Variants in IGSF10 observed in about 807,000 individuals in gnomAD.
IGSF10 encodes calvaria mechanical force protein 608.
In IGSF10, 126 loss-of-function variants were observed where a neutral mutation model predicts 128.2. The ratio of observed to expected loss-of-function variants is 0.98; its 90% CI spans 0.85 to 1.14. IGSF10 has a LOEUF of 1.14. Ranked by LOEUF, IGSF10 falls within the 50% of genes most tolerant of loss-of-function variation. The pLI, the probability that IGSF10 is intolerant of heterozygous loss-of-function variation, is 0.00. For missense variants in IGSF10, 3,295 were observed against 3,149.8 expected, an observed-to-expected ratio of 1.05 and a Z score of -1.10; for synonymous variants, 1,185 against 1,146.2, an observed-to-expected ratio of 1.03 and a Z score of -0.68.
At chr3:151,507,780 T>C in the IGSF10 span, among the ~76,000 whole-genome samples, 2 of 152,180 alleles carry the variant, frequency 1.3e-5, no homozygotes, top group African/African-American at 2.4e-5. Context: ...GGAACTAAAA[T>C]TCAAGATGAG....
At chr3:151,504,761 T>C in the IGSF10 span, among the ~76,000 whole-genome samples, 1 of 152,246 alleles carries the variant, frequency 6.6e-6, no homozygotes, top group East Asian at 1.9e-4. Context: ...CCACCAAGTT[T>C]TAGCCAAACG....
chr3:151,534,185 A>G, the IGSF10 span, among the ~76,000 whole-genome samples: 9 of 152,224 alleles, frequency 5.9e-5, no homozygotes, highest in African/African-American at 1.9e-4. Flanking sequence ...GAGAAATAGA[A>G]ACACTTTTAC....
chr3:151,434,841 CAGAGGTGAGTT>C (rs1291631551), downstream of IGSF10: 1 of 152,162 alleles, frequency 6.6e-6, no homozygotes, highest in African/African-American at 2.4e-5. Flanking sequence ...TTATACTTTG[CAGAGGTGAGTT>C]AAATTATTAA....
chr3:151,462,919 G>A (rs1412745447), upstream of IGSF10, among the ~76,000 whole-genome samples: 1 of 152,132 alleles, frequency 6.6e-6, no homozygotes, highest in Non-Finnish European at 1.5e-5. Context: ...TCGGGTTTTG[G>A]CAGCCACAGT....
At chr3:151,553,983 A>C in the IGSF10 span, among the ~76,000 whole-genome samples, 12 of 151,324 alleles carry the variant, frequency 7.9e-5, no homozygotes, top group African/African-American at 2.7e-4. Context: ...CAAAAAAAAA[A>C]CAAAAGAAAA....
the IGSF10 span, among the ~76,000 whole-genome samples, chr3:151,604,404 T>A: frequency 6.6e-6 from 1 of 152,090 alleles, no homozygotes; most frequent in African/African-American, 2.4e-5. Context: ...TTTACATATG[T>A]AAATCAACTA....
At chr3:151,545,136 T>C in the IGSF10 span, among the ~76,000 whole-genome samples, 2 of 152,242 alleles carry the variant, frequency 1.3e-5, no homozygotes, top group Non-Finnish European at 2.9e-5. Context: ...GTTACATAAT[T>C]TTGAAAGTTT....
At chr3:151,438,714 G>T in intron 7 of IGSF10, 117 bp from the exon 8 acceptor site, 2 of 691,960 alleles carry the variant, frequency 2.9e-6, no homozygotes, top group Non-Finnish European at 4.8e-6. Context: ...TGAAAATTGT[G>T]TATCTTTGAG....
Position 151,436,547 on chromosome 3 carries a change from A to G in IGSF10, c.*142T>C. The G allele has an allele frequency of 1.6e-6, 1 of 607,668 alleles. No homozygotes were observed. Among genetic ancestry groups the G allele is most frequent in the Non-Finnish European group, 2.8e-6 (1 of 354,086 alleles). The allele number at this position is 607,668 out of a possible 1,614,324, so 37.6% of individuals were successfully genotyped here. On this transcript the variant is annotated 3_prime_UTR_variant, in exon 8 of 8. Transcript: ENST00000282466. ...ATCAGTTCATAATGCATTTATTTAC[A>G]AGTCCTTTTATTTTGCATGTTCATT...
At chr3:151,509,655 G>A in the IGSF10 span, among the ~76,000 whole-genome samples, 1 of 152,232 alleles carries the variant, frequency 6.6e-6, no homozygotes, top group Non-Finnish European at 1.5e-5. Flanking sequence ...AGCGCACCGT[G>A]CATGAGCTGA....
the IGSF10 span, among the ~76,000 whole-genome samples, chr3:151,469,751 C>T: frequency 2.6e-5 from 4 of 152,288 alleles, no homozygotes; most frequent in South Asian, 8.3e-4. Context: ...TGAAGCAATT[C>T]AAGAGCTCTA....
the IGSF10 span, among the ~76,000 whole-genome samples, chr3:151,583,736 T>C: frequency 6.6e-6 from 1 of 152,272 alleles, no homozygotes; most frequent in Middle Eastern, 3.4e-3. Flanking sequence ...AATAAATAAA[T>C]AATAAGTCTG....
the IGSF10 span, among the ~76,000 whole-genome samples, chr3:151,582,420 C>T: frequency 1.3e-5 from 2 of 151,602 alleles, no homozygotes; most frequent in East Asian, 3.9e-4. Flanking sequence ...TTATTTTCAC[C>T]AAGTTTAACA....
At chr3:151,548,018 C>T in the IGSF10 span, among the ~76,000 whole-genome samples, 1 of 152,092 alleles carries the variant, frequency 6.6e-6, no homozygotes, top group Non-Finnish European at 1.5e-5. Context: ...ACAATGTGAC[C>T]TTTCTACTCT....
the IGSF10 span, among the ~76,000 whole-genome samples, chr3:151,476,519 T>G: frequency 6.6e-6 from 1 of 152,100 alleles, no homozygotes; most frequent in African/African-American, 2.4e-5. Context: ...AGGGGTATCT[T>G]CCGGCCAGAG....
At chr3:151,461,661 A>G (rs1001049546), upstream of IGSF10, among the ~76,000 whole-genome samples, 1 of 152,220 alleles carries the variant, frequency 6.6e-6, no homozygotes, top group African/African-American at 2.4e-5. Flanking sequence ...TTTATTAACT[A>G]TAGTCCTCTT....
At chr3:151,471,622 T>A in the IGSF10 span, among the ~76,000 whole-genome samples, 1 of 152,216 alleles carries the variant, frequency 6.6e-6, no homozygotes, top group African/African-American at 2.4e-5. Context: ...ACTACATGAT[T>A]TTGGAATGAT....
At chr3:151,581,177 G>A in the IGSF10 span, among the ~76,000 whole-genome samples, 2 of 152,068 alleles carry the variant, frequency 1.3e-5, no homozygotes, top group Admixed American at 6.6e-5. Context: ...AGTCTGCCAC[G>A]AAATTTTTGT....
At chr3:151,515,549 A>G in the IGSF10 span, among the ~76,000 whole-genome samples, 1 of 151,610 alleles carries the variant, frequency 6.6e-6, no homozygotes, top group Non-Finnish European at 1.5e-5. Flanking sequence ...CAGCACACCA[A>G]CATGGCACAT....
Sources: gnomAD v4.1 joint callset for allele counts (sites outside exome capture counted in the v4.1 genomes callset) on GRCh38, gnomAD v4.1.1 for gene constraint, MANE v1.5 for transcripts, NCBI Gene and HGNC (gene_info 2026-07-23, HGNC 2026-07-21) for gene names.